SMG5: variants seen among roughly 807,000 people sequenced by gnomAD.
The protein encoded by SMG5 is nonsense-mediated mRNA decay factor SMG5.
SMG5 carries 53 observed loss-of-function variants against 122.9 expected under a neutral mutation model. That is an observed-to-expected ratio of 0.43 (90% CI 0.35 to 0.54). SMG5 has a LOEUF of 0.54. Ranked by LOEUF, SMG5 falls within the 20% of genes least tolerant of loss-of-function variation. The pLI is 0.01. For missense variants in SMG5, 1,153 were observed against 1,285.6 expected (o/e 0.90, Z 1.58); for synonymous variants, 477 against 490.2 (o/e 0.97, Z 0.35).
chr1:156,268,457 AGGATAT>A, intron 7 of SMG5, 42 bp from the exon 8 acceptor site: 1 of 1,605,454 alleles, frequency 6.2e-7, no homozygotes, highest in Non-Finnish European at 8.5e-7. Flanking sequence ...TGGCAGGGGG[AGGATAT>A]GTTACTCTGC....
At chr1:156,267,390 A>T in intron 10 of SMG5, 80 bp downstream of exon 10, 2 of 1,418,504 alleles carry the variant, frequency 1.4e-6, no homozygotes, top group Non-Finnish European at 2.0e-6. Context: ...AAGGAAGTTT[A>T]TGAATAAGGA....
intron 16 of SMG5, among the ~76,000 whole-genome samples, chr1:156,255,515 CACA>C (rs760201106): frequency 1.3e-5 from 2 of 151,414 alleles, no homozygotes; most frequent in African/African-American, 4.9e-5. Context: ...CTCCAGTCTG[CACA>C]ACAAGAGCAA....
intron 12 of SMG5, among the ~76,000 whole-genome samples, chr1:156,265,036 T>TACACACACACACACACACACAC (rs35457785): frequency 5.7e-5 from 7 of 122,824 alleles, no homozygotes; most frequent in Middle Eastern, 4.0e-3. Flanking sequence ...AAAAAAAAAA[T>TACACACACACACACACACACAC]ACACACACAC....
intron 7 of SMG5, among the ~76,000 whole-genome samples, chr1:156,269,767 T>C (rs1447715780): frequency 6.6e-6 from 1 of 151,976 alleles, no homozygotes; most frequent in Non-Finnish European, 1.5e-5. Flanking sequence ...CCCAGCTACT[T>C]GGGAGGCTGA....
chr1:156,275,727 C>T (rs1003817653), intron 4 of SMG5, among the ~76,000 whole-genome samples: 1 of 151,474 alleles, frequency 6.6e-6, no homozygotes, highest in Admixed American at 6.6e-5. Flanking sequence ...TTGAAGTGAT[C>T]TTTTTTTTAA....
In SMG5 at chr1:156,274,633, C is replaced by A; in HGVS notation, c.508G>T (p.Ala170Ser). 1 of 1,613,970 alleles carries A rather than the reference C, an allele frequency of 6.2e-7. No individual in the cohort carries two copies. Among genetic ancestry groups the A allele is most frequent in the Non-Finnish European group, 8.5e-7 (1 of 1,179,874 alleles). Residue 170 changes from alanine to serine, a missense_variant, in exon 5 of 22, where the codon GCA becomes TCA. Around this residue, in one of 5 missense-constraint regions of SMG5, gnomAD observed 85 missense variants for 127.3 expected, o/e 0.67. Transcript: ENST00000361813. Reference protein sequence around the residue: ...SGKEMDWAQMACHRCLVYLGD... With the variant: ...SGKEMDWAQMSCHRCLVYLGD... ...AGATACACCAGACATCGGTGACATGCCATCTGTGCCCAATCCATCTCCTTC... is the reference window on the plus strand; with the variant it reads ...AGATACACCAGACATCGGTGACATGACATCTGTGCCCAATCCATCTCCTTC...
upstream of SMG5, chr1:156,286,245 C>A: frequency 6.2e-7 from 1 of 1,613,326 alleles, no homozygotes; most frequent in Non-Finnish European, 8.5e-7. Context: ...TACCCTGTTT[C>A]CCAACTCCAC....
upstream of SMG5, chr1:156,285,766 G>A (rs762730860): frequency 1.9e-6 from 3 of 1,613,220 alleles, no homozygotes; most frequent in Middle Eastern, 1.6e-4. Context: ...CAGTGGTGAG[G>A]CCGCCTGGCT....
intron 7 of SMG5, 71 bp from the exon 8 acceptor site, chr1:156,268,486 A>C: frequency 1.9e-6 from 3 of 1,576,038 alleles, no homozygotes; most frequent in Non-Finnish European, 2.6e-6. Flanking sequence ...GGGCTTTAGG[A>C]AACAATGTTA....
Position 156,260,621 on chromosome 1 carries a change from C to T in SMG5, c.2113G>A (p.Ala705Thr). ...AAGELQESGL[A>T]LCPEVQDLLE... ...AGATCTTGGACCTCAGGACACAAGGCCAGGCCTGGGCAGAAGAAGGACACA... is the reference window on the plus strand; with the variant it reads ...AGATCTTGGACCTCAGGACACAAGGTCAGGCCTGGGCAGAAGAAGGACACA... The change falls in exon 15 of 22, where the codon GCC becomes ACC. Residue 705 changes from alanine (A) to threonine (T), a missense_variant. By Grantham distance (58) the Ala-to-Thr change is moderately conservative. Around this residue, in one of 5 missense-constraint regions of SMG5, gnomAD observed 631 missense variants for 650.6 expected, o/e 0.97. Coordinates refer to ENST00000361813, the MANE Select transcript of SMG5 (RefSeq NM_015327.3). 6.7e-7 allele frequency: 1 copy of T among 1,503,610 alleles called. No homozygotes were observed. The highest frequency in any genetic ancestry group is 1.4e-5 in the South Asian group (1 of 72,396). The allele number at this position is 1,503,610 out of a possible 1,614,324, so 93.1% of individuals were successfully genotyped here.
Position 156,274,577 on chromosome 1 carries a change from T to C in SMG5, c.544+20A>G, listed in dbSNP as rs767614689. The C allele has an allele frequency of 1.2e-6, 2 of 1,610,884 alleles. No homozygotes were observed. Among genetic ancestry groups the C allele is most frequent in the Middle Eastern group, 1.7e-4 (1 of 6,042 alleles). ...GTCCTGTAACCCAAAACAGAGAAAA[T>C]GAAAGGTGCAAATTCTTACACAAAT... On this transcript the variant is annotated intron_variant, in intron 5 of 21. Coordinates refer to ENST00000361813, the MANE Select transcript of SMG5 (RefSeq NM_015327.3).
chr1:156,260,305 A>C (rs772572084), intron 15 of SMG5, 146 bp downstream of exon 15: 87 of 984,964 alleles, frequency 8.8e-5, no homozygotes, highest in Non-Finnish European at 1.1e-4. Context: ...CTGAATGAAG[A>C]AGGAAGCACA....
intron 18 of SMG5, 50 bp from the exon 19 acceptor site, chr1:156,252,554 GA>G (rs762882193): frequency 6.3e-7 from 1 of 1,574,948 alleles, no homozygotes; most frequent in Non-Finnish European, 8.7e-7. Flanking sequence ...AGACTGCTGT[GA>G]CAAGGGGCTC....
chr1:156,262,425 G>A (rs572772297), intron 13 of SMG5, among the ~76,000 whole-genome samples: 4 of 136,908 alleles, frequency 2.9e-5, no homozygotes, highest in South Asian at 2.4e-4. Context: ...GCAGTGAGCC[G>A]AAATCGTGCC....
Position 156,266,530 on chromosome 1 carries a change from G to C in SMG5, c.1255+11C>G, listed in dbSNP as rs753067797. 1 of 1,613,976 alleles carries C rather than the reference G, an allele frequency of 6.2e-7. No individual in the cohort carries two copies. The highest frequency in any genetic ancestry group is 1.7e-5 in the Admixed American group (1 of 59,988). On this transcript the variant is annotated intron_variant, in intron 11 of 21. Transcript: ENST00000361813. ...ACCTTTCCATAGTGATGACCTCCCC[G>C]ATTCTCCCACCTGTGCCATCACTCT...
intron 2 of SMG5, 50 bp from the exon 3 acceptor site, chr1:156,278,098 G>C (rs1662764937): frequency 6.2e-7 from 1 of 1,607,164 alleles, no homozygotes; most frequent in East Asian, 2.2e-5. Context: ...CTTGGAGCAG[G>C]GACATAAGAA....
intron 12 of SMG5, among the ~76,000 whole-genome samples, chr1:156,264,757 G>A (rs12058368): frequency 0.03 from 4,582 of 152,170 alleles, 219 homozygotes; most frequent in African/African-American, 0.11. Context: ...TAGGTGTGGC[G>A]GCTCACACCT....
chr1:156,285,872 T>C, upstream of SMG5: 1 of 1,613,884 alleles, frequency 6.2e-7, no homozygotes, highest in Non-Finnish European at 8.5e-7. Flanking sequence ...TTGCCTACTA[T>C]ACGGGGCATA....
In SMG5 at chr1:156,263,513, T is replaced by C. The variant is rs1349150804; in HGVS notation, c.1913A>G (p.Asn638Ser). 2 of 1,614,254 alleles carry C rather than the reference T, an allele frequency of 1.2e-6. No individual in the cohort carries two copies. Among genetic ancestry groups the C allele is most frequent in the East Asian group, 4.5e-5 (2 of 44,884 alleles). The change falls in exon 13 of 22, where the codon AAT becomes AGT. Residue 638 changes from asparagine to serine, a missense_variant. Transcript: ENST00000361813. ...GSESSGRSCR[N>S]ERSIQEKLQV... is the part of the protein sequence containing the mutation. ...AAGCTTCTCCTGGATGCTGCGCTCA[T>C]TCCGACAGGAGCGTCCACTGGACTC... is the stretch of plus-strand genomic sequence containing the variant.
Sources: gnomAD v4.1 joint callset for allele counts (sites outside exome capture counted in the v4.1 genomes callset) on GRCh38, gnomAD v4.1.1 for gene constraint, gnomAD v4.1.1 regional missense constraint, MANE v1.5 for transcripts, NCBI Gene and HGNC (gene_info 2026-07-23, HGNC 2026-07-21) for gene names.